The following RNF111 variants were observed in gnomAD, a reference collection of about 807,000 sequenced individuals.
RNF111 encodes ring finger protein 111, also known as E3 ubiquitin-protein ligase Arkadia.
RNF111 carries 17 observed loss-of-function variants against 95.1 expected under a neutral mutation model. That is an observed-to-expected ratio of 0.18 (90% CI 0.12 to 0.27). RNF111 has a LOEUF of 0.27. Ranked by LOEUF, RNF111 falls within the 10% of genes least tolerant of loss-of-function variation. The probability of loss-of-function intolerance (pLI) is 1.00; values close to 1 mark genes in which losing one functional copy is unlikely to be tolerated. For missense variants in RNF111, 1,189 were observed against 1,210.4 expected (o/e 0.98, Z 0.26); for synonymous variants, 440 against 414.8 (o/e 1.06, Z -0.74).
chr15:59,094,379 A>G (rs1193296190), intron 13 of RNF111, among the ~76,000 whole-genome samples: 1 of 152,216 alleles, frequency 6.6e-6, no homozygotes, highest in Non-Finnish European at 1.5e-5. Context: ...TGTAATAAAT[A>G]TATATTTGAG....
intron 6 of RNF111, among the ~76,000 whole-genome samples, chr15:59,074,808 G>C (rs1566934557): frequency 1.3e-5 from 2 of 151,962 alleles, no homozygotes; most frequent in African/African-American, 4.8e-5. Context: ...GGCCTCTCTG[G>C]GCTTTTGACA....
chr15:59,043,637 A>G (rs1372954285), intron 2 of RNF111, among the ~76,000 whole-genome samples: 1 of 152,202 alleles, frequency 6.6e-6, no homozygotes, highest in Non-Finnish European at 1.5e-5. Flanking sequence ...AAAATGCTAC[A>G]GTGAACATTT....
intron 6 of RNF111, among the ~76,000 whole-genome samples, chr15:59,074,653 G>C (rs1304835907): frequency 1.3e-5 from 2 of 152,156 alleles, no homozygotes; most frequent in African/African-American, 4.8e-5. Flanking sequence ...CTTCCATCTA[G>C]ATCACTAAAA....
chr15:59,063,726 G>T (rs2042536340), intron 5 of RNF111, among the ~76,000 whole-genome samples: 1 of 152,140 alleles, frequency 6.6e-6, no homozygotes, highest in South Asian at 2.1e-4. Flanking sequence ...GGCAAAAGAG[G>T]ACAAGCTGTT....
chr15:59,049,649 A>G (rs1020104226), intron 2 of RNF111: 4 of 157,998 alleles, frequency 2.5e-5, no homozygotes, highest in African/African-American at 9.7e-5. Flanking sequence ...AGCATTGCCA[A>G]CAGCATGCTG....
At chr15:59,029,217 T>C (rs1163496309) in intron 1 of RNF111, among the ~76,000 whole-genome samples, 1 of 152,246 alleles carries the variant, frequency 6.6e-6, no homozygotes, top group Non-Finnish European at 1.5e-5. Flanking sequence ...ACCTGTGTTC[T>C]TTATTACAGC....
At chr15:59,012,924 A>G (rs1363943073) in intron 1 of RNF111, among the ~76,000 whole-genome samples, 5 of 151,960 alleles carry the variant, frequency 3.3e-5, no homozygotes, top group Admixed American at 6.6e-5. Flanking sequence ...TTTTTAGTTG[A>G]GACGGGGTTT....
chr15:59,056,981 T>A (rs1382857686), intron 4 of RNF111, among the ~76,000 whole-genome samples: 6 of 152,162 alleles, frequency 3.9e-5, no homozygotes, highest in African/African-American at 9.7e-5. Flanking sequence ...TAGTAGATGC[T>A]CCCTTTCCCC....
At chr15:59,088,102 T>G (rs1228421519) in intron 10 of RNF111, among the ~76,000 whole-genome samples, 1 of 152,208 alleles carries the variant, frequency 6.6e-6, no homozygotes, top group African/African-American at 2.4e-5. Flanking sequence ...TTGGAAAAAC[T>G]TAAGGTATTT....
chr15:59,074,965 G>GGA (rs1441923290), intron 6 of RNF111, among the ~76,000 whole-genome samples: 1 of 152,194 alleles, frequency 6.6e-6, no homozygotes, highest in African/African-American at 2.4e-5. Flanking sequence ...CCCAAAGAGA[G>GGA]GAGAGCAGGG....
intron 5 of RNF111, among the ~76,000 whole-genome samples, chr15:59,061,083 T>G (rs2042416198): frequency 6.6e-6 from 1 of 152,148 alleles, no homozygotes; most frequent in Admixed American, 6.5e-5. Flanking sequence ...AGGTGTGAAC[T>G]ACCACCCTCG....
chr15:59,070,059 T>TAA lies in RNF111; in HGVS notation c.1686+2977_1686+2978insAA, dbSNP rs767089674. ...TTTTTTTTTTTTTTTTTTTTTTTTTTAGAGAGGATCTTGCCTTGTTTCTCA... is the reference window on the plus strand; with the variant it reads ...TTTTTTTTTTTTTTTTTTTTTTTTTTAAAGAGAGGATCTTGCCTTGTTTCTCA... On this transcript the variant is annotated intron_variant, in intron 6 of 13. Transcript: ENST00000348370. Among the ~76,000 whole-genome samples, 36 of 100,614 alleles carry TAA rather than the reference T, an allele frequency of 3.6e-4. 2 individuals carry two copies. Among genetic ancestry groups the TAA allele is most frequent in the Non-Finnish European group, 5.4e-4 (27 of 49,594 alleles). The allele number at this position is 100,614 out of a possible 152,430, so 66.0% of individuals were successfully genotyped here.
In RNF111 at chr15:59,031,293, G is replaced by C. The variant is rs543681381; in HGVS notation, c.471G>C (p.Glu157Asp). The C allele has an allele frequency of 1.9e-6, 3 of 1,614,012 alleles. No individual in the cohort carries two copies. The highest frequency in any genetic ancestry group is 2.5e-6 in the Non-Finnish European group (3 of 1,180,006). ...FGDSDTVTSD[E>D]DKEVSVRHSQ... The stretch of plus-strand genomic sequence containing the variant: ...ATTCTGATACTGTGACTTCAGATGA[G>C]GATAAAGAAGTCTCTGTAAGACATT... The change falls in exon 2 of 14, where the codon GAG (glutamate) becomes GAC (aspartate). Residue 157 changes from glutamate to aspartate, a missense_variant. Transcript: ENST00000348370.
In RNF111 at chr15:59,096,986, C is replaced by T. The variant is rs887125024; in HGVS notation, c.*2086C>T. 6.6e-5 allele frequency: 10 copies of T among 152,248 alleles called. No individual in the cohort carries two copies. The East Asian group carries it at 1.9e-3, about 29-fold the overall frequency. The allele number at this position is 152,248 out of a possible 1,614,324, so 9.4% of individuals were successfully genotyped here. ...CTGTTGACTTGTTTTATAATTGCTACTGATTTTTTTAATGTAGGCAAAGCT... is the reference window on the plus strand; with the variant it reads ...CTGTTGACTTGTTTTATAATTGCTATTGATTTTTTTAATGTAGGCAAAGCT... On this transcript the variant is annotated 3_prime_UTR_variant, in exon 14 of 14. Coordinates refer to ENST00000348370, the MANE Select transcript of RNF111 (RefSeq NM_017610.8).
intron 1 of RNF111, among the ~76,000 whole-genome samples, chr15:59,010,973 A>G (rs1377780679): frequency 2.6e-5 from 4 of 152,144 alleles, no homozygotes; most frequent in African/African-American, 4.8e-5. Context: ...GAAGTCATCT[A>G]ATTTCCCCTT....
intron 1 of RNF111, among the ~76,000 whole-genome samples, chr15:58,994,111 C>T (rs1176434661): frequency 8.3e-5 from 12 of 145,090 alleles, no homozygotes; most frequent in Non-Finnish European, 1.8e-4. Flanking sequence ...CATCTTGGCT[C>T]ATTGTCACCT....
Position 59,085,602 on chromosome 15 carries a change from T to C in RNF111, c.2424-57T>C. The stretch of plus-strand genomic sequence containing the variant: ...TTAAGTGTAAACATAACTCCCCATG[T>C]CTGTTGATAAAAAAGAGACCCTAAG... On this transcript the variant is annotated intron_variant, in intron 9 of 13. Transcript: ENST00000348370. The C allele has an allele frequency of 6.6e-6, 10 of 1,504,656 alleles. No homozygotes were observed. The South Asian group carries it at 1.3e-4, about 20-fold the overall frequency. 93.2% of individuals were successfully genotyped at this position (1,504,656 alleles called of 1,614,324 possible).
intron 6 of RNF111, among the ~76,000 whole-genome samples, chr15:59,070,125 C>G (rs758457091): frequency 1.1e-4 from 16 of 148,232 alleles, no homozygotes; most frequent in East Asian, 2.0e-4. Context: ...TCCTCCTGCC[C>G]CAGACTTCTA....
chr15:59,058,213 G>A (rs928247177), intron 4 of RNF111, 143 bp from the exon 5 acceptor site: 6 of 656,004 alleles, frequency 9.1e-6, no homozygotes, highest in African/African-American at 3.6e-5. Flanking sequence ...CTTTGTGAAC[G>A]CTTTCTTTAC....
Sources: gnomAD v4.1 joint callset for allele counts (sites outside exome capture counted in the v4.1 genomes callset) on GRCh38, gnomAD v4.1.1 for gene constraint, MANE v1.5 for transcripts, NCBI Gene and HGNC (gene_info 2026-07-23, HGNC 2026-07-21) for gene names.